FRMD6: variants seen among roughly 807,000 people sequenced by gnomAD.
The protein encoded by FRMD6 is FERM domain-containing protein 6.
A neutral mutation model predicts 73.2 loss-of-function variants in FRMD6; 37 were observed. That is an observed-to-expected ratio of 0.51 (90% CI 0.39 to 0.66). The LOEUF (loss-of-function observed/expected upper bound fraction) is 0.66. Ranked by LOEUF, FRMD6 falls within the 30% of genes least tolerant of loss-of-function variation. The pLI, the probability that FRMD6 is intolerant of heterozygous loss-of-function variation, is 0.00. For synonymous variants in FRMD6, 273 were observed against 282.2 expected, an observed-to-expected ratio of 0.97 and a Z score of 0.33; for missense variants, 714 against 780.5, an observed-to-expected ratio of 0.91 and a Z score of 1.02.
intron 2 of FRMD6, among the ~76,000 whole-genome samples, chr14:51,641,496 G>A (rs930271078): frequency 5.3e-5 from 8 of 152,236 alleles, no homozygotes; most frequent in East Asian, 1.9e-4. Flanking sequence ...GATCTAGGAC[G>A]AGATAAAATG....
chr14:51,429,183 C>G, the FRMD6 span, among the ~76,000 whole-genome samples: 1 of 152,122 alleles, frequency 6.6e-6, no homozygotes, highest in Admixed American at 6.5e-5. Flanking sequence ...GTTCAGCTGC[C>G]AGCTAAATGC....
At chr14:51,478,631 A>G in the FRMD6 span, among the ~76,000 whole-genome samples, 1 of 152,196 alleles carries the variant, frequency 6.6e-6, no homozygotes, top group Non-Finnish European at 1.5e-5. Flanking sequence ...GGGTGTGGGA[A>G]AGAGAAACTG....
the FRMD6 span, among the ~76,000 whole-genome samples, chr14:51,423,767 T>C: frequency 6.6e-6 from 1 of 152,228 alleles, no homozygotes; most frequent in African/African-American, 2.4e-5. Flanking sequence ...TCTATTTATC[T>C]GACATTTTTG....
intron 1 of FRMD6, among the ~76,000 whole-genome samples, chr14:51,552,174 T>C (rs530335986): frequency 7.8e-4 from 119 of 152,362 alleles, no homozygotes; most frequent in African/African-American, 2.7e-3. Flanking sequence ...TAAATTGTTA[T>C]GAAAAGTTCA....
intron 1 of FRMD6, among the ~76,000 whole-genome samples, chr14:51,569,840 C>A (rs114092082): frequency 0.012 from 1,775 of 145,878 alleles, 32 homozygotes; most frequent in African/African-American, 0.042. Context: ...TTTTTTGAGA[C>A]CGTCTGGCTC....
chr14:51,621,066 C>G (rs939902359), intron 2 of FRMD6, among the ~76,000 whole-genome samples: 14 of 152,172 alleles, frequency 9.2e-5, no homozygotes, highest in African/African-American at 3.1e-4. Flanking sequence ...GTATAATTAC[C>G]TTAAACACAG....
intron 2 of FRMD6, among the ~76,000 whole-genome samples, chr14:51,592,153 G>T (rs1323085234): frequency 6.6e-6 from 1 of 152,114 alleles, no homozygotes; most frequent in Non-Finnish European, 1.5e-5. Context: ...TCAACAATTA[G>T]CACATGTTGC....
intron 1 of FRMD6, among the ~76,000 whole-genome samples, chr14:51,495,012 T>C (rs1267673491): frequency 1.3e-5 from 2 of 152,190 alleles, no homozygotes; most frequent in Non-Finnish European, 2.9e-5. Flanking sequence ...CATCTTTACG[T>C]CATTTCTCTC....
chr14:51,397,061 A>T, the FRMD6 span: 1 of 152,314 alleles, frequency 6.6e-6, no homozygotes, highest in Non-Finnish European at 1.5e-5. Context: ...GGCAGGGAAG[A>T]TCTGTTCCTT....
chr14:51,571,237 G>A (rs1888119662), intron 2 of FRMD6, among the ~76,000 whole-genome samples: 2 of 152,132 alleles, frequency 1.3e-5, no homozygotes, highest in South Asian at 4.1e-4. Flanking sequence ...AAATTAGCCA[G>A]GCCTGGTGGC....
At chr14:51,631,131 A>G (rs1891320516) in intron 2 of FRMD6, among the ~76,000 whole-genome samples, 1 of 152,136 alleles carries the variant, frequency 6.6e-6, no homozygotes. Context: ...GAAACTGAGA[A>G]GTTCCAGAAT....
intron 1 of FRMD6, among the ~76,000 whole-genome samples, chr14:51,514,452 A>G (rs773999853): frequency 3.3e-5 from 5 of 152,212 alleles, no homozygotes; most frequent in Admixed American, 6.5e-5. Context: ...ACCATGGCAC[A>G]TGTATACCTG....
At chr14:51,606,462 A>G (rs1454668660) in intron 2 of FRMD6, among the ~76,000 whole-genome samples, 3 of 152,130 alleles carry the variant, frequency 2.0e-5, no homozygotes, top group Non-Finnish European at 4.4e-5. Context: ...CCAAGGAACA[A>G]TCTCTAGTCC....
At chr14:51,634,461 TTTG>T (rs1168134741) in intron 2 of FRMD6, among the ~76,000 whole-genome samples, 1 of 152,242 alleles carries the variant, frequency 6.6e-6, no homozygotes, top group Non-Finnish European at 1.5e-5. Context: ...AAACCAATTA[TTTG>T]TTAAGATGAA....
Position 51,727,816 on chromosome 14 carries a change from G to C in FRMD6, c.1656G>C (p.Gln552His), listed in dbSNP as rs145888944. The C allele has an allele frequency of 6.2e-7, 1 of 1,614,068 alleles. No individual in the cohort carries two copies. Among genetic ancestry groups the C allele is most frequent in the Non-Finnish European group, 8.5e-7 (1 of 1,179,930 alleles). Residue 552 changes from glutamine (Q) to histidine (H), a missense_variant, in exon 14 of 14, where the codon CAG (glutamine) becomes CAC (histidine). Coordinates refer to ENST00000344768, the MANE Select transcript of FRMD6 (RefSeq NM_001267046.2). ...SLSLDDIRLY[Q>H]KDFLRIAGLC... ...GCCTCGATGACATCAGACTTTACCA[G>C]AAAGACTTCCTGCGCATTGCAGGTC...
At chr14:51,498,658 G>A (rs549906317) in intron 1 of FRMD6, among the ~76,000 whole-genome samples, 33 of 152,140 alleles carry the variant, frequency 2.2e-4, no homozygotes, top group Non-Finnish European at 4.6e-4. Context: ...ACTTTCTCAT[G>A]TGGTGGTGGC....
At chr14:51,657,299 G>A (rs75092668) in intron 1 of FRMD6, among the ~76,000 whole-genome samples, 2,072 of 152,178 alleles carry the variant, frequency 0.014, 18 homozygotes, top group South Asian at 0.02. Flanking sequence ...GATCAGGAGT[G>A]TACAGCACAA....
chr14:51,702,379 A>T, intron 4 of FRMD6, 133 bp from the exon 5 acceptor site: 1 of 702,920 alleles, frequency 1.4e-6, no homozygotes, highest in Non-Finnish European at 2.5e-6. Context: ...ACAAGCCCCT[A>T]CTCATTATAA....
chr14:51,429,881 C>G, the FRMD6 span, among the ~76,000 whole-genome samples: 7 of 152,124 alleles, frequency 4.6e-5, no homozygotes, highest in African/African-American at 1.7e-4. Flanking sequence ...ACAGAAAACA[C>G]ACAACTCATC....
Sources: gnomAD v4.1 joint callset for allele counts (sites outside exome capture counted in the v4.1 genomes callset) on GRCh38, gnomAD v4.1.1 for gene constraint, MANE v1.5 for transcripts, NCBI Gene and HGNC (gene_info 2026-07-23, HGNC 2026-07-21) for gene names.